The following ARHGAP45 variants were observed in gnomAD, a reference collection of about 807,000 sequenced individuals.
The protein encoded by ARHGAP45 is rho GTPase-activating protein 45.
Under a neutral mutation model 116.1 loss-of-function variants are expected in ARHGAP45, and 56 were observed. That is an observed-to-expected ratio of 0.48 (90% CI 0.39 to 0.60). ARHGAP45 has a LOEUF of 0.60. ARHGAP45 is among the 20% of genes least tolerant of loss of function. The pLI, the probability that ARHGAP45 is intolerant of heterozygous loss-of-function variation, is 0.00. For missense variants in ARHGAP45, 1,622 were observed against 1,601.0 expected, an observed-to-expected ratio of 1.01 and a Z score of -0.22; for synonymous variants, 866 against 701.7, an observed-to-expected ratio of 1.23 and a Z score of -3.70.
At position 1,071,073 on chromosome 19, in the gene ARHGAP45, G is replaced by T; in HGVS notation, c.422-2076G>T. The T allele has an allele frequency of 1.3e-6, 1 of 787,206 alleles. No individual in the cohort carries two copies. 48.8% of individuals were successfully genotyped at this position (787,206 alleles called of 1,614,324 possible). ...TCCTCGTTCCCGGGCTTCAGGTCTG[G>T]GCCTCAGTTTCCCTGCCCGTCCTCG... On this transcript the variant is annotated intron_variant, in intron 2 of 22. Coordinates refer to ENST00000313093, the MANE Select transcript of ARHGAP45 (RefSeq NM_012292.5). This position sits in a 1 kb window ranked among gnomAD's most constrained non-coding sequence, Gnocchi z 4.6.
intron 10 of ARHGAP45, among the ~76,000 whole-genome samples, chr19:1,075,937 C>T (rs1173956028): frequency 6.6e-6 from 1 of 152,222 alleles, no homozygotes; most frequent in East Asian, 1.9e-4. Flanking sequence ...GAGGACAGCT[C>T]ACCTCATGCC....
intron 10 of ARHGAP45, among the ~76,000 whole-genome samples, chr19:1,076,100 G>C (rs2043241719): frequency 6.6e-6 from 1 of 152,134 alleles, no homozygotes; most frequent in Admixed American, 6.6e-5. Context: ...GGGAGTGGCT[G>C]AGCTGTTGCT....
At chr19:1,084,567 G>C (rs1349973674) in intron 22 of ARHGAP45, among the ~76,000 whole-genome samples, 3 of 152,216 alleles carry the variant, frequency 2.0e-5, no homozygotes, top group African/African-American at 7.2e-5. Flanking sequence ...TGCCTACCCC[G>C]CACTCAGAAA....
At position 1,079,723 on chromosome 19, in the gene ARHGAP45, C is replaced by T. The variant is rs575831017; in HGVS notation, c.1395C>T (p.Thr465=). The T allele has an allele frequency of 6.2e-6, 10 of 1,612,632 alleles. No homozygotes were observed. The South Asian group carries it at 7.7e-5, about 12-fold the overall frequency. ...AKNKAEEAMA[T]YRTCVADAKT... is the part of the protein sequence containing the mutation. ...CGCAGGCGGAGGAAGCTATGGCCAC[C>T]TACCGCACCTGCGTGGCCGACGCGA... is the stretch of plus-strand genomic sequence containing the variant. Residue 465 remains threonine, a synonymous_variant, in exon 12 of 23, where the codon ACC becomes ACT. Coordinates refer to ENST00000313093, the MANE Select transcript of ARHGAP45 (RefSeq NM_012292.5).
chr19:1,079,594 C>T (rs2043365719), intron 11 of ARHGAP45, 109 bp from the exon 12 acceptor site: 3 of 1,415,942 alleles, frequency 2.1e-6, no homozygotes, highest in Non-Finnish European at 2.9e-6. Flanking sequence ...CCACTGTGGC[C>T]TCCCGAGGCG....
intron 19 of ARHGAP45, 108 bp downstream of exon 19, chr19:1,082,069 C>T (rs2043454151): frequency 3.4e-5 from 15 of 443,834 alleles, no homozygotes; most frequent in Non-Finnish European, 5.0e-5. Flanking sequence ...TGGAGCAGGA[C>T]TGGCGCAAGC....
Position 1,081,625 on chromosome 19 carries a change from C to G in ARHGAP45, c.2266C>G (p.Leu756Val). The change falls in exon 18 of 23, where the codon CTG becomes GTG. Residue 756 changes from leucine to valine, a missense_variant. Transcript: ENST00000313093. ...QCGHKKLQGR[L>V]QLFGQDFSHA... ...CGGGCACAAGAAGCTGCAAGGCCGC[C>G]TGCAGCTGTTCGGCCAGGACTTCAG... 6.4e-7 allele frequency: 1 copy of G among 1,568,244 alleles called. No homozygotes were observed. Among genetic ancestry groups the G allele is most frequent in the Non-Finnish European group, 8.6e-7 (1 of 1,156,598 alleles).
chr19:1,080,870 C>G lies in ARHGAP45; in HGVS notation c.2018-22C>G, dbSNP rs745623081. On this transcript the variant is annotated intron_variant, in intron 16 of 22. Transcript: ENST00000313093. ...TGGCCCTGAGCTGCCTTGGTGACAC[C>G]GGCTGCCTGTGCTGCCCGCAGCTGA... The G allele has an allele frequency of 1.9e-6, 3 of 1,604,994 alleles. No homozygotes were observed. The Admixed American group carries it at 5.0e-5, about 27-fold the overall frequency.
chr19:1,071,235 G>T lies in ARHGAP45; in HGVS notation c.422-1914G>T. On this transcript the variant is annotated intron_variant, in intron 2 of 22. Transcript: ENST00000313093. The surrounding 1 kb of genome is among the most constrained non-coding windows in gnomAD (Gnocchi z 4.6). ...GGTTTGGCCACCGGAGACCCCCATC[G>T]GTCAGCTGCCAGGCCCCACGCGCTC... 2 of 1,466,648 alleles carry T rather than the reference G, an allele frequency of 1.4e-6. No homozygotes were observed. The highest frequency in any genetic ancestry group is 2.5e-5 in the South Asian group (2 of 80,138). 90.9% of individuals were successfully genotyped at this position (1,466,648 alleles called of 1,614,324 possible). A position where few individuals can be genotyped will look rare whatever the true frequency, so the allele number is the denominator to read the frequency against.
chr19:1,079,744 C>T lies in ARHGAP45; in HGVS notation c.1416C>T (p.Asp472=), dbSNP rs781626058. The stretch of plus-strand genomic sequence containing the variant: ...CCACCTACCGCACCTGCGTGGCCGA[C>T]GCGAAGACGCAGAAGCAGGAGCTGG... ...AMATYRTCVA[D]AKTQKQELED... Residue 472 remains aspartate (D), a synonymous_variant, in exon 12 of 23, where the codon GAC becomes GAT. Transcript: ENST00000313093. 1.9e-5 allele frequency: 31 copies of T among 1,612,622 alleles called. No individual in the cohort carries two copies. Among genetic ancestry groups the T allele is most frequent in the Middle Eastern group, 1.7e-4 (1 of 6,058 alleles).
At chr19:1,075,496 C>T (rs751455740) in intron 10 of ARHGAP45, among the ~76,000 whole-genome samples, 1 of 152,066 alleles carries the variant, frequency 6.6e-6, no homozygotes, top group Admixed American at 6.6e-5. Context: ...CCACCCGCGT[C>T]GGCCTCCCAA....
At chr19:1,074,489 G>A (rs978392249) in intron 8 of ARHGAP45, 82 bp downstream of exon 8, 10 of 1,417,376 alleles carry the variant, frequency 7.1e-6, no homozygotes, top group Non-Finnish European at 9.4e-6. Flanking sequence ...CAGGGACCAA[G>A]AGCAGGGGCT....
chr19:1,066,257 G>A (rs4147938), upstream of ARHGAP45: 457,445 of 665,516 alleles, frequency 0.69, 171,086 homozygotes, highest in Admixed American at 0.78. Context: ...ACTTGGGGAG[G>A]GGGGAGAGAG....
chr19:1,068,824 G>A lies in ARHGAP45; in HGVS notation c.421+80G>A. The A allele has an allele frequency of 7.4e-7, 1 of 1,358,258 alleles. No homozygotes were observed. Among genetic ancestry groups the A allele is most frequent in the Non-Finnish European group, 1.0e-6 (1 of 967,986 alleles). 84.1% of individuals were successfully genotyped at this position (1,358,258 alleles called of 1,614,324 possible). Reference sequence around the variant, plus strand: ...GAGGATGGAGGGAGGGACTTGGGGAGGCTCAGAAGGGAGGGAGGCTCAGAT... The same window carrying A: ...GAGGATGGAGGGAGGGACTTGGGGAAGCTCAGAAGGGAGGGAGGCTCAGAT... On this transcript the variant is annotated intron_variant, in intron 2 of 22. Transcript: ENST00000313093. The surrounding 1 kb of genome is among the most constrained non-coding windows in gnomAD (Gnocchi z 7.5).
At chr19:1,083,827 G>A (rs1317778223) in intron 21 of ARHGAP45, among the ~76,000 whole-genome samples, 5 of 152,168 alleles carry the variant, frequency 3.3e-5, no homozygotes, top group Admixed American at 6.5e-5. Context: ...CACAACCTCC[G>A]CTTCCCAGGT....
intron 19 of ARHGAP45, 48 bp from the exon 20 acceptor site, chr19:1,082,787 CGTGGG>C: frequency 7.1e-7 from 1 of 1,406,798 alleles, no homozygotes; most frequent in Non-Finnish European, 9.4e-7. Flanking sequence ...GGCAGGCACA[CGTGGG>C]GGCTGGGCCA....
At position 1,068,184 on chromosome 19, in the gene ARHGAP45, G is replaced by A. The variant is rs926137171; in HGVS notation, c.91-230G>A. 14 of 466,240 alleles carry A rather than the reference G, an allele frequency of 3.0e-5. No homozygotes were observed. Among genetic ancestry groups the A allele is most frequent in the Admixed American group, 1.6e-4 (4 of 24,700 alleles). 28.9% of individuals were successfully genotyped at this position (466,240 alleles called of 1,614,324 possible). ...CGCGCCTCCCCGCAGGCCCCGCCCC[G>A]GCTGTGGTTTGGGCAAGGACCGTTG... On this transcript the variant is annotated intron_variant, in intron 1 of 22. Transcript: ENST00000313093. The surrounding 1 kb of genome is among the most constrained non-coding windows in gnomAD (Gnocchi z 7.5).
At chr19:1,083,885 C>T (rs758735207) in intron 21 of ARHGAP45, among the ~76,000 whole-genome samples, 38 of 152,178 alleles carry the variant, frequency 2.5e-4, no homozygotes, top group Admixed American at 3.3e-4. Flanking sequence ...GGACTACAGG[C>T]GCCGGCCACC....
intron 10 of ARHGAP45, among the ~76,000 whole-genome samples, chr19:1,075,600 G>A (rs937618451): frequency 7.3e-5 from 11 of 151,462 alleles, no homozygotes; most frequent in African/African-American, 2.4e-4. Context: ...CAAAGACGCC[G>A]GCGCCTTTTT....
Sources: allele counts gnomAD v4.1 joint callset (sites outside exome capture counted in the v4.1 genomes callset), GRCh38; gene constraint gnomAD v4.1.1; non-coding constraint Gnocchi (gnomAD v3.1); transcripts MANE v1.5; gene names NCBI Gene and HGNC (gene_info 2026-07-23, HGNC 2026-07-21).